RASA4B: variants seen among roughly 807,000 people sequenced by gnomAD.
RASA4B encodes RAS p21 protein activator 4B.
Under a neutral mutation model 24.2 loss-of-function variants are expected in RASA4B, and 2 were observed. The observed-to-expected ratio is 0.08, with a 90% confidence interval of 0.03 to 0.26. RASA4B has a LOEUF of 0.26. RASA4B is among the 10% of genes least tolerant of loss of function. The pLI is 1.00. For missense variants in RASA4B, 8 were observed against 277.2 expected, an observed-to-expected ratio of 0.03 and a Z score of 6.90; for synonymous variants, 2 against 125.6, an observed-to-expected ratio of 0.02 and a Z score of 6.58.
At chr7:102,498,236 A>C (rs1176053107) in intron 8 of RASA4B, among the ~76,000 whole-genome samples, 5 of 149,034 alleles carry the variant, frequency 3.4e-5, no homozygotes, top group Admixed American at 6.8e-5. Context: ...TGTCTCAAAT[A>C]GTGCATGGTC....
At chr7:102,489,757 C>A (rs540448925) in intron 17 of RASA4B, among the ~76,000 whole-genome samples, 15 of 144,246 alleles carry the variant, frequency 1.0e-4, no homozygotes, top group Non-Finnish European at 2.0e-4. Flanking sequence ...TTCTGGTTCC[C>A]TTCAAGTCAC....
At chr7:102,511,831 A>C (rs1799703945) in intron 2 of RASA4B, 94 bp downstream of exon 2, 1 of 10,278 alleles carries the variant, frequency 9.7e-5, no homozygotes, top group Non-Finnish European at 2.6e-4. Context: ...CCATCTCCGT[A>C]CAAAATTCAC....
Position 102,482,416 on chromosome 7 carries a change from AAGGC to A in RASA4B, c.*1172_*1175del, listed in dbSNP as rs1798627269. 1 of 127,774 alleles carries A rather than the reference AAGGC, an allele frequency of 7.8e-6. No individual in the cohort carries two copies. Among genetic ancestry groups the A allele is most frequent in the South Asian group, 2.6e-4 (1 of 3,894 alleles). The allele number at this position is 127,774 out of a possible 1,614,324, so 7.9% of individuals were successfully genotyped here. ...GGGGACCACAGGGACTGACCAAAGA[AAGGC>A]AGGCCAGATCCCAGGACAGCAGGGG... On this transcript the variant is annotated 3_prime_UTR_variant, in exon 21 of 21. Coordinates refer to ENST00000465829, the MANE Select transcript of RASA4B (RefSeq NM_001367767.2).
At chr7:102,503,008 A>G (rs1330972275) in intron 6 of RASA4B, among the ~76,000 whole-genome samples, 155 bp downstream of exon 6, 1 of 33,264 alleles carries the variant, frequency 3.0e-5, no homozygotes. Flanking sequence ...GTCCCCTCAG[A>G]GAGGTCGCCC....
In RASA4B at chr7:102,481,213, C is replaced by T. The variant is rs1465344395; in HGVS notation, c.*2379G>A. On this transcript the variant is annotated 3_prime_UTR_variant, in exon 21 of 21. Coordinates refer to ENST00000465829, the MANE Select transcript of RASA4B (RefSeq NM_001367767.2). ...AAAATTTCAAGTCTCCTTTATTTTCCCTTTTTTTTTTTTTTTTTTTTAATT... is the reference window on the plus strand; with the variant it reads ...AAAATTTCAAGTCTCCTTTATTTTCTCTTTTTTTTTTTTTTTTTTTTAATT... Among the ~76,000 whole-genome samples, 3 of 85,170 alleles carry T rather than the reference C, an allele frequency of 3.5e-5. No homozygotes were observed. The highest frequency in any genetic ancestry group is 1.1e-4 in the African/African-American group (3 of 28,142). The allele number at this position is 85,170 out of a possible 152,430, so 55.9% of individuals were successfully genotyped here. A position where few individuals can be genotyped will look rare whatever the true frequency, so the allele number is the denominator to read the frequency against.
At position 102,480,049 on chromosome 7, in the gene RASA4B, C is replaced by T. The variant is rs1245988512; in HGVS notation, c.*3543G>A. ...CAATCATAACCTAGGAAACACCAGGCCATACAGAGATAGGAGCTGAGGGGA... is the reference window on the plus strand; with the variant it reads ...CAATCATAACCTAGGAAACACCAGGTCATACAGAGATAGGAGCTGAGGGGA... On this transcript the variant is annotated 3_prime_UTR_variant, in exon 21 of 21. Coordinates refer to ENST00000465829, the MANE Select transcript of RASA4B (RefSeq NM_001367767.2). 6.6e-6 allele frequency among the ~76,000 whole-genome samples: 1 copy of T among 152,014 alleles called. No homozygotes were observed. Among genetic ancestry groups the T allele is most frequent in the Non-Finnish European group, 1.5e-5 (1 of 68,008 alleles).
chr7:102,493,572 G>A (rs1799031986), intron 15 of RASA4B, among the ~76,000 whole-genome samples: 2 of 43,242 alleles, frequency 4.6e-5, no homozygotes, highest in African/African-American at 7.4e-5. Context: ...AATGTCAACA[G>A]GCGCAGATGA....
At chr7:102,499,193 A>AATATATATAT (rs772277888) in intron 8 of RASA4B, among the ~76,000 whole-genome samples, 1 of 100,518 alleles carries the variant, frequency 9.9e-6, no homozygotes, top group Non-Finnish European at 2.4e-5. Flanking sequence ...TCAAAAAAAA[A>AATATATATAT]ATATATATAT....
At chr7:102,506,289 C>T (rs1799503134) in intron 5 of RASA4B, among the ~76,000 whole-genome samples, 1 of 152,408 alleles carries the variant, frequency 6.6e-6, no homozygotes, top group Non-Finnish European at 1.5e-5. Flanking sequence ...TCTCGCTTGT[C>T]ACCCAGGCTG....
At chr7:102,498,505 C>T (rs1434832201) in intron 8 of RASA4B, among the ~76,000 whole-genome samples, 2 of 145,528 alleles carry the variant, frequency 1.4e-5, no homozygotes, top group African/African-American at 5.0e-5. Context: ...CATGATCCAC[C>T]CGCCTCGGCC....
intron 6 of RASA4B, among the ~76,000 whole-genome samples, chr7:102,502,556 C>G: frequency 1.2e-5 from 1 of 86,292 alleles, no homozygotes; most frequent in Non-Finnish European, 3.2e-5. Context: ...GCCAGGAGTT[C>G]GAGACCAGCC....
At chr7:102,497,677 GC>G in intron 8 of RASA4B, among the ~76,000 whole-genome samples, 1 of 146,824 alleles carries the variant, frequency 6.8e-6, no homozygotes, top group East Asian at 2.1e-4. Context: ...TGTGGCAGGT[GC>G]CTGTAATCGC....
chr7:102,504,688 A>C (rs1799433851), intron 5 of RASA4B, among the ~76,000 whole-genome samples: 1 of 115,960 alleles, frequency 8.6e-6, no homozygotes, highest in Non-Finnish European at 1.7e-5. Flanking sequence ...TCAAAAAAAA[A>C]AAAAAAACCC....
At chr7:102,489,780 CTTTTTTTTTT>C (rs58482585) in intron 17 of RASA4B, among the ~76,000 whole-genome samples, 3 of 110,572 alleles carry the variant, frequency 2.7e-5, no homozygotes, top group East Asian at 7.9e-4. Flanking sequence ...TCACAATTTG[CTTTTTTTTTT>C]TTTTTTTTTT....
chr7:102,491,504 A>C (rs1798942967), intron 16 of RASA4B, among the ~76,000 whole-genome samples: 1 of 55,474 alleles, frequency 1.8e-5, no homozygotes, highest in African/African-American at 3.0e-5. Context: ...GCAGTGGCTC[A>C]CACATGTAAT....
At chr7:102,502,644 T>G (rs1220238554) in intron 6 of RASA4B, among the ~76,000 whole-genome samples, 1 of 111,260 alleles carries the variant, frequency 9.0e-6, no homozygotes, top group African/African-American at 2.7e-5. Context: ...CCTGTAATCC[T>G]AGCTACTCGT....
rs1303343997 is a variant in RASA4B, at chr7:102,481,961, G to A, written c.*1631C>T. On this transcript the variant is annotated 3_prime_UTR_variant, in exon 21 of 21. Transcript: ENST00000465829. ...GGCTAGGACCACCTGGAGATGCCCC[G>A]TGTCTATGAGCTGCTGTTGTGAGGA... 6.0e-5 allele frequency among the ~76,000 whole-genome samples: 2 copies of A among 33,602 alleles called. No homozygotes were observed. The highest frequency in any genetic ancestry group is 5.9e-5 in the African/African-American group (1 of 17,038). 22.0% of individuals were successfully genotyped at this position (33,602 alleles called of 152,430 possible).
intron 16 of RASA4B, among the ~76,000 whole-genome samples, chr7:102,492,645 C>A (rs1284196714): frequency 6.9e-6 from 1 of 143,976 alleles, no homozygotes; most frequent in African/African-American, 2.5e-5. Context: ...CTGGTAAGGT[C>A]GGATCAACTT....
intron 8 of RASA4B, among the ~76,000 whole-genome samples, chr7:102,500,408 C>G (rs1799322881): frequency 7.8e-6 from 1 of 128,692 alleles, no homozygotes; most frequent in Admixed American, 8.2e-5. Flanking sequence ...GGAGGCGGAG[C>G]CTGCAGTGAG....
Sources: gnomAD v4.1 joint callset for allele counts (sites outside exome capture counted in the v4.1 genomes callset) on GRCh38, gnomAD v4.1.1 for gene constraint, MANE v1.5 for transcripts, NCBI Gene and HGNC (gene_info 2026-07-23, HGNC 2026-07-21) for gene names.